NRG3: variants seen among roughly 807,000 people sequenced by gnomAD.
The protein encoded by NRG3 is neuregulin 3.
A neutral mutation model predicts 66.9 loss-of-function variants in NRG3; 31 were observed. The ratio of observed to expected loss-of-function variants is 0.46; its 90% CI spans 0.35 to 0.63. NRG3 has a LOEUF of 0.63. NRG3 is among the 20% of genes least tolerant of loss of function. NRG3 has a pLI of 0.00. For synonymous variants in NRG3, 393 were observed against 359.4 expected, an observed-to-expected ratio of 1.09 and a Z score of -1.06; for missense variants, 910 against 878.9, an observed-to-expected ratio of 1.04 and a Z score of -0.45.
At chr10:82,258,428 T>C (rs2077850296) in intron 1 of NRG3, among the ~76,000 whole-genome samples, 1 of 152,212 alleles carries the variant, frequency 6.6e-6, no homozygotes, top group Non-Finnish European at 1.5e-5. Context: ...GTATGCTGTA[T>C]ACTAAGTAGA....
chr10:82,342,087 T>G (rs1274392802), intron 1 of NRG3, among the ~76,000 whole-genome samples: 2 of 150,374 alleles, frequency 1.3e-5, no homozygotes, highest in African/African-American at 5.0e-5. Flanking sequence ...TGTATATATA[T>G]CATACTATAT....
intron 2 of NRG3, among the ~76,000 whole-genome samples, chr10:82,532,053 C>G (rs1847322183): frequency 6.6e-6 from 1 of 151,644 alleles, no homozygotes; most frequent in South Asian, 2.1e-4. Flanking sequence ...ATATGTGATA[C>G]TTTGATATAA....
intron 1 of NRG3, among the ~76,000 whole-genome samples, chr10:81,922,581 A>G (rs1846359333): frequency 6.6e-6 from 1 of 152,202 alleles, no homozygotes; most frequent in South Asian, 2.1e-4. Context: ...TGCCCAAAAC[A>G]AGACATTGAT....
chr10:82,358,964 TA>T (rs1333952464), intron 2 of NRG3, 96 bp downstream of exon 2: 10 of 1,530,710 alleles, frequency 6.5e-6, no homozygotes, highest in Non-Finnish European at 9.0e-6. Flanking sequence ...ATATCCGGGA[TA>T]CACACAGTCC....
At chr10:82,150,234 C>T (rs1433975226) in intron 1 of NRG3, among the ~76,000 whole-genome samples, 2 of 152,078 alleles carry the variant, frequency 1.3e-5, no homozygotes, top group African/African-American at 4.8e-5. Flanking sequence ...TACATATCAC[C>T]CATTTGCAGG....
intron 2 of NRG3, among the ~76,000 whole-genome samples, chr10:82,395,724 A>G (rs1399875941): frequency 2.0e-5 from 3 of 152,080 alleles, no homozygotes; most frequent in Non-Finnish European, 2.9e-5. Context: ...CTATCCACCC[A>G]TTCATCCACT....
intron 4 of NRG3, among the ~76,000 whole-genome samples, chr10:82,885,016 T>TGTAGAAATG (rs1842612379): frequency 1.3e-5 from 2 of 152,226 alleles, no homozygotes; most frequent in Non-Finnish European, 2.9e-5. Context: ...TATTGTTTGC[T>TGTAGAAATG]GTAGAAATGG....
At chr10:82,558,607 A>T (rs1204575188) in intron 2 of NRG3, among the ~76,000 whole-genome samples, 2 of 148,546 alleles carry the variant, frequency 1.3e-5, no homozygotes, top group Non-Finnish European at 3.0e-5. Flanking sequence ...GAAGAATGGG[A>T]TAAACTATCT....
At chr10:82,264,911 C>T (rs962420918) in intron 1 of NRG3, among the ~76,000 whole-genome samples, 2 of 152,070 alleles carry the variant, frequency 1.3e-5, no homozygotes, top group Non-Finnish European at 2.9e-5. Context: ...GGAAGTGAGC[C>T]AGTGAGTACA....
intron 5 of NRG3, among the ~76,000 whole-genome samples, chr10:82,958,486 A>G (rs1373274295): frequency 1.3e-5 from 2 of 152,236 alleles, no homozygotes; most frequent in African/African-American, 2.4e-5. Context: ...GACAGAGAAT[A>G]TACACATTAT....
intron 1 of NRG3, among the ~76,000 whole-genome samples, chr10:81,928,582 A>C (rs1847036389): frequency 6.6e-6 from 1 of 152,246 alleles, no homozygotes; most frequent in South Asian, 2.1e-4. Context: ...ACATGAAGCA[A>C]ATATAGGAAT....
intron 3 of NRG3, among the ~76,000 whole-genome samples, chr10:82,750,223 A>G (rs1460927266): frequency 1.3e-5 from 2 of 152,196 alleles, no homozygotes; most frequent in Admixed American, 1.3e-4. Context: ...TAACACGCCC[A>G]TGATCCTCCT....
At chr10:81,887,303 G>A (rs115379305) in intron 1 of NRG3, among the ~76,000 whole-genome samples, 5 of 152,038 alleles carry the variant, frequency 3.3e-5, no homozygotes, top group Non-Finnish European at 7.4e-5. Context: ...CTTTATAAGG[G>A]TATAGAAGAT....
intron 1 of NRG3, among the ~76,000 whole-genome samples, chr10:81,916,204 G>A (rs532019211): frequency 7.9e-5 from 12 of 152,200 alleles, no homozygotes; most frequent in Admixed American, 7.2e-4. Context: ...ATGTTGGACA[G>A]TGCAGGTTTA....
intron 2 of NRG3, among the ~76,000 whole-genome samples, chr10:82,380,566 T>C (rs2085547013): frequency 6.6e-6 from 1 of 152,138 alleles, no homozygotes; most frequent in African/African-American, 2.4e-5. Context: ...TGAATTGTAC[T>C]ATGTAGTAAG....
rs73313566 is a variant in NRG3 at position 82,610,630 on chromosome 10, C to T, written c.954-127947C>T. On this transcript the variant is annotated intron_variant, in intron 2 of 8. Transcript: ENST00000372141. ...TTTTGTACCCCTAATACTTAAAGCACAAAAATTCAGAATGACTTAGCATCT... is the reference window on the plus strand; with the variant it reads ...TTTTGTACCCCTAATACTTAAAGCATAAAAATTCAGAATGACTTAGCATCT... Among the ~76,000 whole-genome samples the T allele has an allele frequency of 7.6e-3, 1,152 of 152,178 alleles. 15 individuals carry two copies. Among genetic ancestry groups the T allele is most frequent in the African/African-American group, 0.026 (1,099 of 41,524 alleles).
chr10:82,495,861 G>T (rs1479829070), intron 2 of NRG3, among the ~76,000 whole-genome samples: 1 of 148,390 alleles, frequency 6.7e-6, no homozygotes, highest in Non-Finnish European at 1.5e-5. Context: ...AAATGCTGGT[G>T]TCCTGCCACT....
At chr10:82,018,179 T>C (rs2061879159) in intron 1 of NRG3, among the ~76,000 whole-genome samples, 1 of 152,180 alleles carries the variant, frequency 6.6e-6, no homozygotes, top group African/African-American at 2.4e-5. Flanking sequence ...CAGCACCATT[T>C]ATTAAATAGG....
chr10:82,820,001 C>G (rs186637787), intron 3 of NRG3, among the ~76,000 whole-genome samples: 22 of 152,262 alleles, frequency 1.4e-4, no homozygotes, highest in Admixed American at 1.4e-3. Context: ...GATGGAGAAA[C>G]TCAGTGAACA....
Sources: allele counts gnomAD v4.1 joint callset (sites outside exome capture counted in the v4.1 genomes callset), GRCh38; gene constraint gnomAD v4.1.1; transcripts MANE v1.5; gene names NCBI Gene and HGNC (gene_info 2026-07-23, HGNC 2026-07-21).